Variants in SNX13 observed in about 807,000 individuals in gnomAD.
SNX13 encodes the protein sorting nexin 13.
SNX13 carries 45 observed loss-of-function variants against 133.6 expected under a neutral mutation model. That is an observed-to-expected ratio of 0.34 (90% CI 0.27 to 0.43). SNX13 has a LOEUF of 0.43. Among genes scored for constraint, SNX13 ranks in the 20% least tolerant of loss-of-function variants. SNX13 has a pLI of 1.00. For synonymous variants in SNX13, 414 were observed against 373.9 expected (o/e 1.11, Z -1.24); for missense variants, 1,032 against 1,145.1 (o/e 0.90, Z 1.43).
chr7:17,912,728 A>C (rs539791173), intron 1 of SNX13, among the ~76,000 whole-genome samples: 2 of 152,120 alleles, frequency 1.3e-5, no homozygotes, highest in Non-Finnish European at 2.9e-5. Flanking sequence ...TGCCATTTCT[A>C]ATCTGGGCTC....
At position 17,940,494 on chromosome 7, in the gene SNX13, C is replaced by A. The variant is rs1341749449; in HGVS notation, c.-199G>T. ...CGGACGCGCCGCCATCTTGGAAGAG[C>A]GACGTCCGCGTCTCGCTGCAACGTG... On this transcript the variant is annotated 5_prime_UTR_variant, in exon 1 of 26. Coordinates refer to ENST00000428135, the MANE Select transcript of SNX13 (RefSeq NM_015132.5). The A allele has an allele frequency of 1.4e-6, 1 of 711,488 alleles. No homozygotes were observed. The highest frequency in any genetic ancestry group is 2.5e-6 in the Non-Finnish European group (1 of 394,700). The allele number at this position is 711,488 out of a possible 1,614,324, so 44.1% of individuals were successfully genotyped here.
intron 21 of SNX13, among the ~76,000 whole-genome samples, chr7:17,803,174 G>A (rs1784824068): frequency 6.6e-6 from 1 of 152,110 alleles, no homozygotes; most frequent in Non-Finnish European, 1.5e-5. Flanking sequence ...CTAATTTTCA[G>A]TTTTTGTTTT....
At chr7:17,856,796 A>G (rs1178503974) in intron 9 of SNX13, among the ~76,000 whole-genome samples, 1 of 150,548 alleles carries the variant, frequency 6.6e-6, no homozygotes, top group African/African-American at 2.4e-5. Context: ...AAAAAAAAAA[A>G]AAAAAAAGAA....
At chr7:17,802,829 T>C (rs1356406368) in intron 21 of SNX13, among the ~76,000 whole-genome samples, 1 of 152,104 alleles carries the variant, frequency 6.6e-6, no homozygotes, top group East Asian at 1.9e-4. Context: ...ATTTTTAAAA[T>C]GTTAATTAGG....
At chr7:17,839,134 ATAATC>A (rs1789544954) in intron 13 of SNX13, among the ~76,000 whole-genome samples, 1 of 149,586 alleles carries the variant, frequency 6.7e-6, no homozygotes, top group African/African-American at 2.4e-5. Context: ...CTATAATAAA[ATAATC>A]TATACAATCA....
At chr7:17,917,657 CA>C (rs767748445) in intron 1 of SNX13, among the ~76,000 whole-genome samples, 14 of 150,036 alleles carry the variant, frequency 9.3e-5, no homozygotes, top group Non-Finnish European at 2.1e-4. Context: ...AAGACACAAA[CA>C]GGAAAAAAAA....
At chr7:17,834,671 C>A in intron 14 of SNX13, 90 bp downstream of exon 14, 2 of 778,720 alleles carry the variant, frequency 2.6e-6, no homozygotes, top group South Asian at 2.4e-5. Flanking sequence ...TACCACTCTA[C>A]TTTTAGAAAG....
intron 9 of SNX13, among the ~76,000 whole-genome samples, chr7:17,858,316 TA>T (rs1792184234): frequency 6.6e-6 from 1 of 152,114 alleles, no homozygotes; most frequent in South Asian, 2.1e-4. Flanking sequence ...AAAATCAACA[TA>T]TAATACTGAG....
intron 9 of SNX13, among the ~76,000 whole-genome samples, chr7:17,854,011 A>AGT (rs1299910583): frequency 6.6e-6 from 1 of 152,138 alleles, no homozygotes; most frequent in African/African-American, 2.4e-5. Flanking sequence ...TCCTAAAGAA[A>AGT]GTTCTTCAAA....
chr7:17,831,802 C>T (rs1292562653), intron 15 of SNX13: 20 of 982,456 alleles, frequency 2.0e-5, no homozygotes, highest in Non-Finnish European at 1.9e-5. Flanking sequence ...AGTGGAAAGG[C>T]CTATTTTTGA....
chr7:17,923,060 A>G (rs781457336), intron 1 of SNX13, among the ~76,000 whole-genome samples: 6 of 152,234 alleles, frequency 3.9e-5, no homozygotes, highest in African/African-American at 9.6e-5. Context: ...AACACACCAC[A>G]TGGTTAACTC....
At chr7:17,828,180 T>A (rs1255472817) in intron 16 of SNX13, among the ~76,000 whole-genome samples, 2 of 151,732 alleles carry the variant, frequency 1.3e-5, no homozygotes, top group African/African-American at 4.8e-5. Flanking sequence ...GGAAAAACAT[T>A]AGTTACAGTT....
In SNX13 at chr7:17,821,667, C is replaced by G. The variant is rs926836831; in HGVS notation, c.1706-19G>C. 2 of 1,607,948 alleles carry G rather than the reference C, an allele frequency of 1.2e-6. No individual in the cohort carries two copies. The highest frequency in any genetic ancestry group is 1.7e-6 in the Non-Finnish European group (2 of 1,176,834). ...CAAACGCCTGCCACAGCATATGGGT[C>G]ATAGTCAGCATATACTAATCATTTA... is the stretch of plus-strand genomic sequence containing the variant. On this transcript the variant is annotated intron_variant, in intron 17 of 25. Transcript: ENST00000428135.
chr7:17,815,831 G>A (rs901889774), intron 19 of SNX13, among the ~76,000 whole-genome samples: 4 of 151,980 alleles, frequency 2.6e-5, no homozygotes, highest in Non-Finnish European at 2.9e-5. Context: ...GGGAAAAGGT[G>A]GTTTTTCTTC....
intron 9 of SNX13, among the ~76,000 whole-genome samples, chr7:17,864,077 C>T (rs1178330889): frequency 1.3e-5 from 2 of 152,032 alleles, no homozygotes; most frequent in East Asian, 1.9e-4. Flanking sequence ...ACAAATAAGC[C>T]CAGATTGAGA....
intron 1 of SNX13, among the ~76,000 whole-genome samples, chr7:17,904,605 C>G (rs1798197569): frequency 6.6e-6 from 1 of 152,144 alleles, no homozygotes; most frequent in African/African-American, 2.4e-5. Flanking sequence ...ATCAATCTCA[C>G]TAGAATGGGG....
intron 5 of SNX13, chr7:17,888,231 T>C (rs1413328979): frequency 6.6e-6 from 1 of 152,482 alleles, no homozygotes; most frequent in Non-Finnish European, 1.5e-5. Context: ...TTATTATCTG[T>C]ATTGTTTTAA....
intron 10 of SNX13, 62 bp from the exon 11 acceptor site, chr7:17,850,497 T>G: frequency 2.1e-6 from 2 of 969,248 alleles, no homozygotes; most frequent in Non-Finnish European, 3.0e-6. Flanking sequence ...ACTTTAAACA[T>G]GCACTTACTG....
intron 20 of SNX13, among the ~76,000 whole-genome samples, chr7:17,808,126 T>C (rs563127647): frequency 6.6e-6 from 1 of 152,214 alleles, no homozygotes; most frequent in East Asian, 1.9e-4. Context: ...CTGACAGAAG[T>C]AAGCTTCAGA....
Sources: allele counts gnomAD v4.1 joint callset (sites outside exome capture counted in the v4.1 genomes callset), GRCh38; gene constraint gnomAD v4.1.1; transcripts MANE v1.5; gene names NCBI Gene and HGNC (gene_info 2026-07-23, HGNC 2026-07-21).